Variants in BPI observed in about 807,000 individuals in gnomAD.
BPI encodes the protein bactericidal permeability increasing protein, also known as bactericidal permeability-increasing protein.
In BPI, 48 loss-of-function variants were observed where a neutral mutation model predicts 57.6. The ratio of observed to expected loss-of-function variants is 0.83; its 90% CI spans 0.66 to 1.06. The LOEUF is 1.06. Ranked by LOEUF, BPI falls within the 50% of genes least tolerant of loss-of-function variation. The pLI, the probability that BPI is intolerant of heterozygous loss-of-function variation, is 0.00. For synonymous variants in BPI, 237 were observed against 238.2 expected (o/e 0.99, Z 0.05); for missense variants, 651 against 609.7 (o/e 1.07, Z -0.71).
At chr20:38,323,426 CT>C (rs1199159170) in intron 7 of BPI, among the ~76,000 whole-genome samples, 1 of 152,254 alleles carries the variant, frequency 6.6e-6, no homozygotes, top group Non-Finnish European at 1.5e-5. Flanking sequence ...CAATTTTCCT[CT>C]TTTCCCATTT....
chr20:38,335,991 A>G (rs1401160673), intron 14 of BPI, among the ~76,000 whole-genome samples: 2 of 152,220 alleles, frequency 1.3e-5, no homozygotes, highest in African/African-American at 4.8e-5. Flanking sequence ...TTAAATATTT[A>G]ACGAATATAT....
At position 38,307,547 on chromosome 20, in the gene BPI, C is replaced by A. The variant is rs1568807867; in HGVS notation, c.131-20C>A. Reference sequence around the variant, plus strand: ...CTCCAGGCTGTGCCTCTCACTGTCACCCCTGCCTTCTCCCTTCAGCCAGCC... The same window carrying A: ...CTCCAGGCTGTGCCTCTCACTGTCAACCCTGCCTTCTCCCTTCAGCCAGCC... On this transcript the variant is annotated intron_variant, in intron 1 of 14. Transcript: ENST00000642449. 3 of 1,581,368 alleles carry A rather than the reference C, an allele frequency of 1.9e-6. No homozygotes were observed. The highest frequency in any genetic ancestry group is 2.6e-6 in the Non-Finnish European group (3 of 1,159,942).
rs374237829 is a variant in BPI, at chr20:38,311,940, A to G, written c.600+3A>G. 9 of 1,613,838 alleles carry G rather than the reference A, an allele frequency of 5.6e-6. No individual in the cohort carries two copies. The highest frequency in any genetic ancestry group is 4.0e-5 in the African/African-American group (3 of 74,910). ...TTCGAAACAAGATGAACAGCCAGGTAGGAGGGGCTCAGAGCCCCATCAGCA... is the reference window on the plus strand; with the variant it reads ...TTCGAAACAAGATGAACAGCCAGGTGGGAGGGGCTCAGAGCCCCATCAGCA... On this transcript the variant is annotated splice_donor_region_variant and intron_variant, in intron 5 of 14. Transcript: ENST00000642449.
chr20:38,317,783 G>C (rs1568812996), intron 5 of BPI: 2 of 1,415,528 alleles, frequency 1.4e-6, no homozygotes, highest in African/African-American at 1.4e-5. Flanking sequence ...TAGAGGTCTA[G>C]ATAAATGGAA....
In BPI at chr20:38,304,239, T is replaced by G; in HGVS notation, c.16T>G (p.Cys6Gly). The G allele has an allele frequency of 6.2e-7, 1 of 1,614,152 alleles. No homozygotes were observed. The highest frequency in any genetic ancestry group is 8.5e-7 in the Non-Finnish European group (1 of 1,180,024). MARGP[C>G]NAPRWASLMV... Reference sequence around the variant, plus strand: ...GAGAGAGAACATGGCCAGGGGCCCTTGCAACGCGCCGAGATGGGCGTCCCT... The same window carrying G: ...GAGAGAGAACATGGCCAGGGGCCCTGGCAACGCGCCGAGATGGGCGTCCCT... The change falls in exon 1 of 15, where the codon TGC becomes GGC. Residue 6 changes from cysteine (C) to glycine (G), a missense_variant. Coordinates refer to ENST00000642449, the MANE Select transcript of BPI (RefSeq NM_001725.3).
intron 7 of BPI, chr20:38,321,793 G>C (rs940252202): frequency 6.6e-6 from 1 of 151,360 alleles, no homozygotes; most frequent in Non-Finnish European, 1.5e-5. Context: ...CAATAAATAA[G>C]TGTAGATCCC....
chr20:38,304,996 A>T (rs2076590374), intron 1 of BPI, among the ~76,000 whole-genome samples: 1 of 152,260 alleles, frequency 6.6e-6, no homozygotes, highest in African/African-American at 2.4e-5. Context: ...AGAAGTGGGC[A>T]GCCTGGATTT....
intron 4 of BPI, among the ~76,000 whole-genome samples, chr20:38,311,376 A>T (rs1362429899): frequency 6.6e-6 from 1 of 152,264 alleles, no homozygotes; most frequent in Non-Finnish European, 1.5e-5. Flanking sequence ...GACAAGAATT[A>T]AGAAAAAGAG....
chr20:38,304,212 A>T lies in BPI; in HGVS notation c.-12A>T, dbSNP rs756954814. 2 of 1,613,964 alleles carry T rather than the reference A, an allele frequency of 1.2e-6. No homozygotes were observed. Among genetic ancestry groups the T allele is most frequent in the Non-Finnish European group, 1.7e-6 (2 of 1,179,994 alleles). ...CTTGAGGTTTTGGCAGCTCTGGAGG[A>T]TGAGAGAGAACATGGCCAGGGGCCC... On this transcript the variant is annotated 5_prime_UTR_variant, in exon 1 of 15. An upstream start codon of the reference 5' UTR is lost. Transcript: ENST00000642449.
At chr20:38,324,872 G>T in intron 9 of BPI, 39 bp downstream of exon 9, 3 of 1,525,130 alleles carry the variant, frequency 2.0e-6, no homozygotes, top group Non-Finnish European at 2.7e-6. Flanking sequence ...AGCCCCGGGG[G>T]TTCTGGGAGG....
At chr20:38,331,297 C>A (rs1039703262) in intron 12 of BPI, among the ~76,000 whole-genome samples, 1 of 152,322 alleles carries the variant, frequency 6.6e-6, no homozygotes, top group Non-Finnish European at 1.5e-5. Flanking sequence ...AGGCCTTGGG[C>A]AAGTCACTTC....
At chr20:38,330,873 A>G (rs1000096626) in intron 11 of BPI, among the ~76,000 whole-genome samples, 175 bp from the exon 12 acceptor site, 1 of 152,084 alleles carries the variant, frequency 6.6e-6, no homozygotes, top group Admixed American at 6.6e-5. Flanking sequence ...CAATGCAGGG[A>G]ATGTGTGAAT....
At position 38,311,957 on chromosome 20, in the gene BPI, C is replaced by T. The variant is rs1043689136; in HGVS notation, c.600+20C>T. The T allele has an allele frequency of 3.1e-6, 5 of 1,612,484 alleles. No individual in the cohort carries two copies. Among genetic ancestry groups the T allele is most frequent in the Admixed American group, 3.3e-5 (2 of 60,010 alleles). ...AGCCAGGTAGGAGGGGCTCAGAGCC[C>T]CATCAGCAAACAGAGGAGAAGGGCC... On this transcript the variant is annotated intron_variant, in intron 5 of 14. Coordinates refer to ENST00000642449, the MANE Select transcript of BPI (RefSeq NM_001725.3).
chr20:38,325,723 G>GT (rs2076709134), intron 9 of BPI, among the ~76,000 whole-genome samples: 1 of 152,180 alleles, frequency 6.6e-6, no homozygotes, highest in African/African-American at 2.4e-5. Flanking sequence ...AGAAGCTCTG[G>GT]TTGGGGGGAG....
At chr20:38,327,506 G>T in intron 10 of BPI, 82 bp from the exon 11 acceptor site, 1 of 1,508,670 alleles carries the variant, frequency 6.6e-7, no homozygotes. Context: ...GAGCCGTTGT[G>T]AAGCTGACCC....
intron 1 of BPI, among the ~76,000 whole-genome samples, chr20:38,305,829 G>C (rs2076594090): frequency 6.6e-6 from 1 of 152,206 alleles, no homozygotes; most frequent in Admixed American, 6.5e-5. Flanking sequence ...GCTTGGCACA[G>C]AGTAAAGCTC....
Position 38,335,623 on chromosome 20 carries a change from C to G in BPI, c.1362C>G (p.Leu454=). The G allele has an allele frequency of 1.2e-6, 2 of 1,614,190 alleles. No individual in the cohort carries two copies. The highest frequency in any genetic ancestry group is 1.7e-6 in the Non-Finnish European group (2 of 1,180,008). ...VNEKLQKGFP[L]PTPARVQLYN... ...AGAAACTACAGAAAGGCTTCCCTCTCCCGACGCCGGCCAGAGTCCAGCTCT... is the reference window on the plus strand; with the variant it reads ...AGAAACTACAGAAAGGCTTCCCTCTGCCGACGCCGGCCAGAGTCCAGCTCT... Residue 454 remains leucine (L), a synonymous_variant, in exon 14 of 15, where the codon CTC becomes CTG. Transcript: ENST00000642449.
chr20:38,325,278 A>AG (rs111606636), intron 9 of BPI, among the ~76,000 whole-genome samples: 61,896 of 151,722 alleles, frequency 0.41, 13,855 homozygotes, highest in African/African-American at 0.61. Context: ...GTGGTCAAGG[A>AG]CGCCTCTGTC....
Position 38,316,325 on chromosome 20 carries a change from C to T in BPI, c.601-2088C>T, listed in dbSNP as rs570059427. 5.3e-5 allele frequency among the ~76,000 whole-genome samples: 8 copies of T among 152,306 alleles called. No homozygotes were observed. In the South Asian group the frequency reaches 1.7e-3, roughly 32 times the overall value. ...GTGACCTCTAGGCAGATGGTGCAGCCAACCCTAAGGAGGATTAAGAACCTG... is the reference window on the plus strand; with the variant it reads ...GTGACCTCTAGGCAGATGGTGCAGCTAACCCTAAGGAGGATTAAGAACCTG... On this transcript the variant is annotated intron_variant, in intron 5 of 14. Coordinates refer to ENST00000642449, the MANE Select transcript of BPI (RefSeq NM_001725.3).
Sources: gnomAD v4.1 joint callset for allele counts (sites outside exome capture counted in the v4.1 genomes callset) on GRCh38, gnomAD v4.1.1 for gene constraint, MANE v1.5 for transcripts, NCBI Gene and HGNC (gene_info 2026-07-23, HGNC 2026-07-21) for gene names.